UNC13C: variants seen among roughly 807,000 people sequenced by gnomAD.
UNC13C encodes the protein protein unc-13 homolog C.
A neutral mutation model predicts 245.4 loss-of-function variants in UNC13C; 174 were observed. The observed-to-expected ratio is 0.71, with a 90% CI of 0.63 to 0.80. UNC13C has a LOEUF of 0.80. Ranked by LOEUF, UNC13C falls within the 30% of genes least tolerant of loss-of-function variation. UNC13C has a pLI of 0.00. For synonymous variants in UNC13C, 992 were observed against 895.1 expected (o/e 1.11, Z -1.93); for missense variants, 2,829 against 2,602.9 (o/e 1.09, Z -1.89).
intron 19 of UNC13C, among the ~76,000 whole-genome samples, chr15:54,438,655 T>A (rs1271452549): frequency 2.0e-5 from 3 of 151,992 alleles, no homozygotes; most frequent in Non-Finnish European, 4.4e-5. Context: ...TCTCTTAAAC[T>A]GCTTATAATT....
chr15:54,096,581 G>C (rs1395472723), intron 2 of UNC13C, among the ~76,000 whole-genome samples: 1 of 152,124 alleles, frequency 6.6e-6, no homozygotes, highest in Non-Finnish European at 1.5e-5. Context: ...CCAGCTGCCA[G>C]AGTACCCTTT....
In UNC13C at chr15:54,013,912, G is replaced by A. The variant is rs756784446; in HGVS notation, c.1009G>A (p.Val337Met). The change falls in exon 2 of 33, where the codon GTG (valine) becomes ATG (methionine). Residue 337 changes from valine to methionine, a missense_variant. By Grantham distance (21) the Val-to-Met change is conservative. Transcript: ENST00000260323. ...TEERFEYVES[V>M]VYQILIDKMG... ...AGAAAGATTTGAATATGTTGAAAGC[G>A]TGGTGTACCAAATTCTAATAGATAA... 3.8e-5 allele frequency: 62 copies of A among 1,613,060 alleles called. No individual in the cohort carries two copies. Among genetic ancestry groups the A allele is most frequent in the Middle Eastern group, 3.3e-4 (2 of 6,070 alleles).
At chr15:53,879,621 C>T in the UNC13C span, among the ~76,000 whole-genome samples, 1 of 152,042 alleles carries the variant, frequency 6.6e-6, no homozygotes, top group African/African-American at 2.4e-5. Context: ...CGGAGTCTCG[C>T]TCTGTCGCCC....
chr15:54,138,189 T>G (rs1026890909), intron 2 of UNC13C, among the ~76,000 whole-genome samples: 3 of 152,176 alleles, frequency 2.0e-5, no homozygotes. Context: ...TTTCAATGTT[T>G]AAATTTGTTA....
intron 18 of UNC13C, among the ~76,000 whole-genome samples, chr15:54,404,911 A>G (rs959697969): frequency 2.0e-5 from 3 of 152,168 alleles, no homozygotes; most frequent in Admixed American, 6.5e-5. Flanking sequence ...GTTTATTGCT[A>G]TTAACTTTAT....
At chr15:53,952,147 G>A in the UNC13C span, among the ~76,000 whole-genome samples, 1 of 152,140 alleles carries the variant, frequency 6.6e-6, no homozygotes, top group African/African-American at 2.4e-5. Context: ...TGGTTGTCCT[G>A]AGAAGAAAAG....
chr15:53,987,861 T>A (rs1033228370), intron 1 of UNC13C, among the ~76,000 whole-genome samples: 13 of 152,094 alleles, frequency 8.5e-5, no homozygotes, highest in Non-Finnish European at 1.8e-4. Flanking sequence ...CTCAAGTTGC[T>A]GCTTTTGCCC....
At chr15:54,446,723 A>G (rs528054759) in intron 19 of UNC13C, among the ~76,000 whole-genome samples, 2 of 152,334 alleles carry the variant, frequency 1.3e-5, no homozygotes, top group East Asian at 1.9e-4. Context: ...ATATACAATC[A>G]TGTCATCTGA....
intron 7 of UNC13C, among the ~76,000 whole-genome samples, chr15:54,238,898 A>G (rs2035778530): frequency 6.6e-6 from 1 of 152,196 alleles, no homozygotes; most frequent in Non-Finnish European, 1.5e-5. Flanking sequence ...TAAAACATAC[A>G]GTGATGGGGT....
intron 19 of UNC13C, among the ~76,000 whole-genome samples, chr15:54,428,961 C>A (rs1199116728): frequency 6.6e-6 from 1 of 151,718 alleles, no homozygotes; most frequent in Non-Finnish European, 1.5e-5. Context: ...AGCCCCCAAT[C>A]GGGTCCCGTA....
intron 4 of UNC13C, among the ~76,000 whole-genome samples, chr15:54,154,855 A>C (rs763656929): frequency 3.9e-5 from 6 of 152,216 alleles, no homozygotes; most frequent in Non-Finnish European, 5.9e-5. Flanking sequence ...TGGATCATTG[A>C]AGAAATTGTG....
intron 18 of UNC13C, among the ~76,000 whole-genome samples, chr15:54,403,581 T>A (rs2040231813): frequency 6.6e-6 from 1 of 151,768 alleles, no homozygotes; most frequent in Non-Finnish European, 1.5e-5. Flanking sequence ...CCAGGCATTT[T>A]GCCACATGCC....
chr15:53,986,188 A>G (rs1160927080), intron 1 of UNC13C, among the ~76,000 whole-genome samples: 1 of 152,070 alleles, frequency 6.6e-6, no homozygotes, highest in Non-Finnish European at 1.5e-5. Context: ...TTGGAAGAAA[A>G]TTTCTCAAAG....
At chr15:54,620,594 G>A (rs74014269) in intron 30 of UNC13C, among the ~76,000 whole-genome samples, 3,397 of 151,760 alleles carry the variant, frequency 0.022, 137 homozygotes, top group African/African-American at 0.077. Flanking sequence ...CTCTATTCTC[G>A]GCTGGGCATG....
intron 2 of UNC13C, among the ~76,000 whole-genome samples, chr15:54,109,068 A>G (rs1269816956): frequency 6.6e-6 from 1 of 151,976 alleles, no homozygotes; most frequent in Admixed American, 6.6e-5. Context: ...AAGTTTACTC[A>G]CTTTCTCTCT....
chr15:54,042,859 GAAAAAGAA>G lies in UNC13C; in HGVS notation c.2983+26977_2983+26984del, dbSNP rs1023786309. On this transcript the variant is annotated intron_variant, in intron 2 of 32. Transcript: ENST00000260323. ...CAGAGCGAGACTCTGTCTCAGAAAA[GAAAAAGAA>G]AAAGAAAAAGAAACCACTTACTGAG... Among the ~76,000 whole-genome samples, 9 of 53,930 alleles carry G rather than the reference GAAAAAGAA, an allele frequency of 1.7e-4. 1 individual carries two copies. Among genetic ancestry groups the G allele is most frequent in the South Asian group, 1.3e-3 (2 of 1,588 alleles). The allele number at this position is 53,930 out of a possible 152,430, so 35.4% of individuals were successfully genotyped here. A position where few individuals can be genotyped will look rare whatever the true frequency, so the allele number is the denominator to read the frequency against.
At chr15:54,385,736 T>C (rs2140906456) in intron 17 of UNC13C, among the ~76,000 whole-genome samples, 1 of 152,002 alleles carries the variant, frequency 6.6e-6, no homozygotes, top group African/African-American at 2.4e-5. Flanking sequence ...ATAAAAATGA[T>C]AATCATTCAA....
At chr15:54,484,575 T>C (rs1446730641) in intron 19 of UNC13C, among the ~76,000 whole-genome samples, 1 of 152,216 alleles carries the variant, frequency 6.6e-6, no homozygotes, top group Admixed American at 6.5e-5. Context: ...ATCAAATATT[T>C]AGGATGTTTT....
chr15:54,401,507 C>T (rs1042786767), intron 18 of UNC13C, among the ~76,000 whole-genome samples: 9 of 152,142 alleles, frequency 5.9e-5, no homozygotes, highest in African/African-American at 1.7e-4. Flanking sequence ...AAGAGTGAAT[C>T]GGCTGACAGG....
Sources: gnomAD v4.1 joint callset for allele counts (sites outside exome capture counted in the v4.1 genomes callset) on GRCh38, gnomAD v4.1.1 for gene constraint, MANE v1.5 for transcripts, NCBI Gene and HGNC (gene_info 2026-07-23, HGNC 2026-07-21) for gene names.